Variants in PTPRS observed in about 807,000 individuals in gnomAD.
PTPRS encodes the protein receptor-type tyrosine-protein phosphatase S.
A neutral mutation model predicts 215.3 loss-of-function variants in PTPRS; 63 were observed. The observed-to-expected ratio is 0.29, with a 90% CI of 0.24 to 0.36. The LOEUF (loss-of-function observed/expected upper bound fraction) is 0.36. Ranked by LOEUF, PTPRS falls within the 10% of genes least tolerant of loss-of-function variation. The pLI is 1.00. For missense variants in PTPRS, 2,258 were observed against 2,825.8 expected, an observed-to-expected ratio of 0.80 and a Z score of 4.56; for synonymous variants, 1,404 against 1,191.4, an observed-to-expected ratio of 1.18 and a Z score of -3.68.
intron 13 of PTPRS, 86 bp downstream of exon 13, chr19:5,238,833 C>T (rs1033777506): frequency 6.9e-7 from 1 of 1,450,784 alleles, no homozygotes; most frequent in South Asian, 1.5e-5. Flanking sequence ...TGCAGCAGGC[C>T]CCGCCTGGGT....
Position 5,263,307 on chromosome 19 carries a change from C to A in PTPRS, c.569-335G>T, listed in dbSNP as rs139439318. On this transcript the variant is annotated intron_variant, in intron 5 of 37. Coordinates refer to ENST00000262963, the MANE Select transcript of PTPRS (RefSeq NM_002850.4). The stretch of plus-strand genomic sequence containing the variant: ...GGGAGATAGGAGGCGATTTGTCCCC[C>A]CAGTGTGAGGTCTGAGTCTCTCCAA... Among the ~76,000 whole-genome samples, 524 of 152,186 alleles carry A rather than the reference C, an allele frequency of 3.4e-3. 9 individuals carry two copies. Among genetic ancestry groups the A allele is most frequent in the African/African-American group, 0.012 (490 of 41,524 alleles).
chr19:5,322,772 G>C (rs1460723240), intron 1 of PTPRS, among the ~76,000 whole-genome samples: 1 of 151,076 alleles, frequency 6.6e-6, no homozygotes, highest in Non-Finnish European at 1.5e-5. Flanking sequence ...CCAGCTATTC[G>C]AGAGGCTGAG....
intron 1 of PTPRS, among the ~76,000 whole-genome samples, chr19:5,306,691 C>T (rs190684733): frequency 6.6e-6 from 1 of 152,216 alleles, no homozygotes; most frequent in East Asian, 1.9e-4. Context: ...TCCCAGGTCC[C>T]CTTGGGGAAG....
intron 1 of PTPRS, among the ~76,000 whole-genome samples, chr19:5,309,427 T>C (rs1381919324): frequency 6.6e-6 from 1 of 152,184 alleles, no homozygotes; most frequent in Non-Finnish European, 1.5e-5. Flanking sequence ...GCCAGTTATT[T>C]ATCTCAGATG....
intron 1 of PTPRS, among the ~76,000 whole-genome samples, chr19:5,296,754 G>A (rs567630544): frequency 6.6e-6 from 1 of 152,084 alleles, no homozygotes; most frequent in South Asian, 2.1e-4. Flanking sequence ...ATGGGGACAA[G>A]ATGCGCACGG....
At chr19:5,252,491 C>G (rs2045197854) in intron 9 of PTPRS, among the ~76,000 whole-genome samples, 1 of 147,980 alleles carries the variant, frequency 6.8e-6, no homozygotes, top group African/African-American at 2.5e-5. Flanking sequence ...GCAGGAGAAT[C>G]ACTTGAACCC....
intron 1 of PTPRS, among the ~76,000 whole-genome samples, chr19:5,330,449 G>A (rs1268329824): frequency 6.6e-6 from 1 of 152,220 alleles, no homozygotes; most frequent in Non-Finnish European, 1.5e-5. Flanking sequence ...CTTTCCGCCC[G>A]CTTGGGTTAG....
At chr19:5,246,527 C>T (rs961676864) in intron 9 of PTPRS, among the ~76,000 whole-genome samples, 7 of 152,210 alleles carry the variant, frequency 4.6e-5, no homozygotes, top group African/African-American at 1.7e-4. Flanking sequence ...CGAATGGGGG[C>T]ATCCCCTTCG....
At chr19:5,279,312 A>T (rs1055502294) in intron 2 of PTPRS, among the ~76,000 whole-genome samples, 13 of 152,158 alleles carry the variant, frequency 8.5e-5, no homozygotes, top group African/African-American at 3.1e-4. Context: ...TTACATGTAG[A>T]ACTAAAGACA....
intron 26 of PTPRS, among the ~76,000 whole-genome samples, chr19:5,215,799 A>G (rs1288797562): frequency 1.3e-5 from 2 of 152,104 alleles, no homozygotes; most frequent in Non-Finnish European, 2.9e-5. Flanking sequence ...CTCTAAAGGC[A>G]GCAGGTTTGA....
At chr19:5,309,157 G>A (rs77813140) in intron 1 of PTPRS, among the ~76,000 whole-genome samples, 1,848 of 151,984 alleles carry the variant, frequency 0.012, 22 homozygotes, top group African/African-American at 0.032. Context: ...AGGGAGGAAG[G>A]GGGGGTTGGC....
rs1259120475 is a variant in PTPRS, at chr19:5,229,522, C to T, written c.2318G>A (p.Arg773His). 2 of 1,463,716 alleles carry T rather than the reference C, an allele frequency of 1.4e-6. No homozygotes were observed. Among genetic ancestry groups the T allele is most frequent in the African/African-American group, 3.0e-5 (2 of 67,400 alleles). The allele number at this position is 1,463,716 out of a possible 1,614,324, so 90.7% of individuals were successfully genotyped here. ...MEGAEARGPP[R>H]IKDVMLADAQ... ...ATCGGCCAGCATGACGTCCTTGATG[C>T]GCGGCGGCCCGCGGGCCTCGGCGCC... Residue 773 changes from arginine (R) to histidine (H), a missense_variant, in exon 15 of 38, where the codon CGC (arginine) becomes CAC (histidine). Arg to His is a conservative substitution (Grantham distance 29). Around this residue, in one of 6 missense-constraint regions of PTPRS, gnomAD observed 371 missense variants for 446.7 expected, o/e 0.83. Transcript: ENST00000262963.
chr19:5,319,147 C>T (rs2049958416), intron 1 of PTPRS, among the ~76,000 whole-genome samples: 1 of 152,198 alleles, frequency 6.6e-6, no homozygotes, highest in Non-Finnish European at 1.5e-5. Context: ...CGCAGTGGCT[C>T]ACATCTGGGA....
At chr19:5,323,793 C>T (rs2050096089) in intron 1 of PTPRS, among the ~76,000 whole-genome samples, 2 of 152,086 alleles carry the variant, frequency 1.3e-5, no homozygotes. Context: ...AGGGATGGGA[C>T]CTGACTCAAG....
chr19:5,270,570 G>C (rs566604116), intron 4 of PTPRS, among the ~76,000 whole-genome samples: 2 of 152,064 alleles, frequency 1.3e-5, no homozygotes, highest in Non-Finnish European at 2.9e-5. Context: ...TTGGCCTCCC[G>C]AAGTGTTGGC....
intron 32 of PTPRS, 33 bp downstream of exon 32, chr19:5,211,932 C>T: frequency 6.4e-7 from 1 of 1,554,814 alleles, no homozygotes; most frequent in Non-Finnish European, 8.7e-7. Flanking sequence ...CTCCTCCCCA[C>T]CCCGCCCACA....
At chr19:5,206,872 C>T (rs1410624830) in intron 37 of PTPRS, 30 bp from the exon 38 acceptor site, 1 of 1,603,842 alleles carries the variant, frequency 6.2e-7, no homozygotes, top group Non-Finnish European at 8.5e-7. Context: ...CTGTTAGTAC[C>T]TCCGCTGCTC....
At position 5,215,335 on chromosome 19, in the gene PTPRS, G is replaced by A. The variant is rs544743563; in HGVS notation, c.4272C>T (p.Asn1424=). 24 of 1,614,184 alleles carry A rather than the reference G, an allele frequency of 1.5e-5. No homozygotes were observed. Among genetic ancestry groups the A allele is most frequent in the East Asian group, 1.1e-4 (5 of 44,880 alleles). The part of the protein sequence containing the change: ...EVNKPKNRYA[N]VIAYDHSRVI... ...CACGGGAGTGGTCATAGGCGATGAC[G>A]TTGGCATAGCGGTTCTTCGGCTTGT... Residue 1424 remains asparagine, a synonymous_variant, in exon 28 of 38, where the codon AAC becomes AAT. Transcript: ENST00000262963.
At chr19:5,220,452 C>T (rs2041881336) in intron 20 of PTPRS, 99 bp from the exon 21 acceptor site, 1 of 1,006,552 alleles carries the variant, frequency 9.9e-7, no homozygotes, top group Non-Finnish European at 1.5e-6. Flanking sequence ...CTGAGTCTTC[C>T]CTTCTGTTCA....
Sources: allele counts gnomAD v4.1 joint callset (sites outside exome capture counted in the v4.1 genomes callset), GRCh38; gene constraint gnomAD v4.1.1; regional missense constraint gnomAD v4.1.1; transcripts MANE v1.5; gene names NCBI Gene and HGNC (gene_info 2026-07-23, HGNC 2026-07-21).